ADAM21: variants seen among roughly 807,000 people sequenced by gnomAD.
ADAM21 encodes ADAM metallopeptidase domain 21.
For synonymous variants in ADAM21, 262 were observed against 306.0 expected, an observed-to-expected ratio of 0.86 and a Z score of 1.50; for missense variants, 678 against 874.4, an observed-to-expected ratio of 0.78 and a Z score of 2.83.
Position 70,457,782 on chromosome 14 carries a change from G to A in ADAM21, c.283G>A (p.Asp95Asn), listed in dbSNP as rs766690661. The change falls in exon 2 of 2, where the codon GAC becomes AAC. Residue 95 changes from aspartate (D) to asparagine (N), a missense_variant. By Grantham distance (23) the Asp-to-Asn change is conservative (BLOSUM62 1). Transcript: ENST00000603540. ...RHLPVFTYTD[D>N]RALLEDQLFI... ...CCTCCCAGTGTTCACCTACACAGAT[G>A]ACCGTGCACTCCTGGAGGATCAGCT... 9.9e-6 allele frequency: 16 copies of A among 1,612,856 alleles called. No individual in the cohort carries two copies. The highest frequency in any genetic ancestry group is 8.8e-5 in the South Asian group (8 of 91,030).
chr14:70,456,942 T>C (rs1382039467), intron 1 of ADAM21, among the ~76,000 whole-genome samples: 1 of 152,196 alleles, frequency 6.6e-6, no homozygotes, highest in Non-Finnish European at 1.5e-5. Flanking sequence ...TGACACAGAA[T>C]TGTGATTATT....
chr14:70,453,035 C>CGTGTGT lies in ADAM21; in HGVS notation c.-152+789_-152+794dup, dbSNP rs10676561. ...GAAACCATTTTATCTTTGAATTTGG[C>CGTGTGT]GTGTGTGTGTGTGTGTGTGTGTATC... On this transcript the variant is annotated intron_variant, in intron 1 of 1. Coordinates refer to ENST00000603540, the MANE Select transcript of ADAM21 (RefSeq NM_003813.4). Among the ~76,000 whole-genome samples the CGTGTGT allele has an allele frequency of 4.0e-5, 6 of 148,610 alleles. 1 individual carries two copies. Among genetic ancestry groups the CGTGTGT allele is most frequent in the African/African-American group, 9.9e-5 (4 of 40,444 alleles).
chr14:70,457,772 C>T lies in ADAM21; in HGVS notation c.273C>T (p.Thr91=), dbSNP rs142458441. The T allele has an allele frequency of 1.1e-4, 179 of 1,612,950 alleles. No individual in the cohort carries two copies. The African/African-American group carries it at 1.9e-3, about 17-fold the overall frequency. The change falls in exon 2 of 2, where the codon ACC becomes ACT. Residue 91 remains threonine (T), a synonymous_variant. Transcript: ENST00000603540. ...TTTCTAGACACCTCCCAGTGTTCACCTACACAGATGACCGTGCACTCCTGG... is the reference window on the plus strand; with the variant it reads ...TTTCTAGACACCTCCCAGTGTTCACTTACACAGATGACCGTGCACTCCTGG... ...LLVSRHLPVF[T]YTDDRALLED...
At position 70,459,002 on chromosome 14, in the gene ADAM21, C is replaced by T. The variant is rs753290447; in HGVS notation, c.1503C>T (p.Tyr501=). The T allele has an allele frequency of 6.2e-7, 1 of 1,614,012 alleles. No individual in the cohort carries two copies. Among genetic ancestry groups the T allele is most frequent in the African/African-American group, 1.3e-5 (1 of 74,984 alleles). ...GGATCCCCTGTAGTGACAGTGCCTA[C>T]TGCTATCAAAAGAGGTGTAATAACC... ...QDGIPCSDSA[Y]CYQKRCNNHD... Residue 501 remains tyrosine (Y), a synonymous_variant, in exon 2 of 2, where the codon TAC becomes TAT. Transcript: ENST00000603540.
chr14:70,459,672 A>C lies in ADAM21; in HGVS notation c.*4A>C. The C allele has an allele frequency of 1.2e-6, 2 of 1,612,830 alleles. No homozygotes were observed. The highest frequency in any genetic ancestry group is 2.7e-5 in the African/African-American group (2 of 74,894). ...TAAGGCTCATTCATCAGGTTAAGAAAATGTCTCTAACTTAATATTCCATGC... is the reference window on the plus strand; with the variant it reads ...TAAGGCTCATTCATCAGGTTAAGAACATGTCTCTAACTTAATATTCCATGC... On this transcript the variant is annotated 3_prime_UTR_variant, in exon 2 of 2. Transcript: ENST00000603540.
Position 70,459,569 on chromosome 14 carries a change from T to C in ADAM21, c.2070T>C (p.Pro690=), listed in dbSNP as rs1192187717. Reference sequence around the variant, plus strand: ...TTTTTTTGCCGCTGATTGTGATTCCTTCTTTGTCTGTTTTGACTTTCCTGT... The same window carrying C: ...TTTTTTTGCCGCTGATTGTGATTCCCTCTTTGTCTGTTTTGACTTTCCTGT... ...RGVFLPLIVI[P]SLSVLTFLFT... is the part of the protein sequence containing the mutation. The change falls in exon 2 of 2, where the codon CCT becomes CCC. Residue 690 remains proline (P), a synonymous_variant. Transcript: ENST00000603540. The C allele has an allele frequency of 4.3e-6, 7 of 1,614,206 alleles. No homozygotes were observed. Among genetic ancestry groups the C allele is most frequent in the Non-Finnish European group, 5.9e-6 (7 of 1,180,030 alleles).
Position 70,459,531 on chromosome 14 carries a change from G to A in ADAM21, c.2032G>A (p.Ala678Thr). The stretch of plus-strand genomic sequence containing the variant: ...CAGTATTGACAGTGGCCCAGCATCT[G>A]CAAAGAGAGGAGTTTTTTTGCCGCT... Reference protein sequence around the residue: ...GGSIDSGPASAKRGVFLPLIV... With the variant: ...GGSIDSGPASTKRGVFLPLIV... The change falls in exon 2 of 2, where the codon GCA becomes ACA. Residue 678 changes from alanine to threonine, a missense_variant. Transcript: ENST00000603540. 6.2e-7 allele frequency: 1 copy of A among 1,614,186 alleles called. No homozygotes were observed. Among genetic ancestry groups the A allele is most frequent in the Non-Finnish European group, 8.5e-7 (1 of 1,180,022 alleles).
rs1163749332 is a variant in ADAM21, at chr14:70,458,136, G to C, written c.637G>C (p.Val213Leu). The C allele has an allele frequency of 1.9e-6, 3 of 1,613,674 alleles. No homozygotes were observed. In the African/African-American group the frequency reaches 4.0e-5, roughly 22 times the overall value. Residue 213 changes from valine (V) to leucine (L), a missense_variant, in exon 2 of 2, where the codon GTT becomes CTT. Val to Leu is a conservative substitution (Grantham distance 32, BLOSUM62 1). Transcript: ENST00000603540. Reference sequence around the variant, plus strand: ...GACTCATGCATGGTTTCTGGAGCTAGTTGTTGTGGTGAACCATGATTTCTT... The same window carrying C: ...GACTCATGCATGGTTTCTGGAGCTACTTGTTGTGGTGAACCATGATTTCTT... Reference protein sequence around the residue: ...WWTHAWFLELVVVVNHDFFIY... With the variant: ...WWTHAWFLELLVVVNHDFFIY...
In ADAM21 at chr14:70,457,814, C is replaced by T. The variant is rs1007876905; in HGVS notation, c.315C>T (p.Ile105=). 11 of 1,613,346 alleles carry T rather than the reference C, an allele frequency of 6.8e-6. No homozygotes were observed. Among genetic ancestry groups the T allele is most frequent in the South Asian group, 1.1e-5 (1 of 91,042 alleles). ...DRALLEDQLF[I]PDDCYYHGYV... is the part of the protein sequence containing the mutation. The stretch of plus-strand genomic sequence containing the variant: ...CACTCCTGGAGGATCAGCTCTTCAT[C>T]CCAGATGACTGTTACTATCATGGTT... The change falls in exon 2 of 2, where the codon ATC becomes ATT. Residue 105 remains isoleucine (I), a synonymous_variant. Transcript: ENST00000603540.
In ADAM21 at chr14:70,458,044, G is replaced by A. The variant is rs1280217034; in HGVS notation, c.545G>A (p.Arg182His). 10 of 1,613,912 alleles carry A rather than the reference G, an allele frequency of 6.2e-6. No individual in the cohort carries two copies. The highest frequency in any genetic ancestry group is 1.1e-5 in the South Asian group (1 of 91,076). The stretch of plus-strand genomic sequence containing the variant: ...GGCTTAACAGAGAAGGAAGTAGCAC[G>A]CCAACAGTTGGAATTTGAAGAGGCT... ...RCGLTEKEVA[R>H]QQLEFEEAEN... Residue 182 changes from arginine (R) to histidine (H), a missense_variant, in exon 2 of 2, where the codon CGC (arginine) becomes CAC (histidine). Physicochemically the swap from Arg to His is conservative, Grantham distance 29. Coordinates refer to ENST00000603540, the MANE Select transcript of ADAM21 (RefSeq NM_003813.4).
Position 70,458,140 on chromosome 14 carries a change from T to C in ADAM21, c.641T>C (p.Val214Ala), listed in dbSNP as rs768850536. 10 of 1,613,712 alleles carry C rather than the reference T, an allele frequency of 6.2e-6. No individual in the cohort carries two copies. The highest frequency in any genetic ancestry group is 8.5e-6 in the Non-Finnish European group (10 of 1,179,818). ...CATGCATGGTTTCTGGAGCTAGTTG[T>C]TGTGGTGAACCATGATTTCTTCATT... ...WTHAWFLELVVVVNHDFFIYS... is the reference protein window; with the variant it reads ...WTHAWFLELVAVVNHDFFIYS... The change falls in exon 2 of 2, where the codon GTT becomes GCT. Residue 214 changes from valine to alanine, a missense_variant. By Grantham distance (64) the Val-to-Ala change is moderately conservative. Transcript: ENST00000603540.
chr14:70,459,337 G>A lies in ADAM21; in HGVS notation c.1838G>A (p.Cys613Tyr), dbSNP rs1882487401. The A allele has an allele frequency of 7.4e-6, 12 of 1,614,116 alleles. No homozygotes were observed. Among genetic ancestry groups the A allele is most frequent in the African/African-American group, 2.7e-5 (2 of 74,930 alleles). ...DIGEVKDGTVCGPGKICIHKK... is the reference protein window; with the variant it reads ...DIGEVKDGTVYGPGKICIHKK... ...GGTGAAGTGAAAGATGGTACTGTGTGTGGCCCAGGAAAGATCTGCATCCAT... is the reference window on the plus strand; with the variant it reads ...GGTGAAGTGAAAGATGGTACTGTGTATGGCCCAGGAAAGATCTGCATCCAT... The change falls in exon 2 of 2, where the codon TGT becomes TAT. Residue 613 changes from cysteine to tyrosine, a missense_variant. Physicochemically the swap from Cys to Tyr is radical, Grantham distance 194. Coordinates refer to ENST00000603540, the MANE Select transcript of ADAM21 (RefSeq NM_003813.4).
chr14:70,453,033 G>GGT (rs1161989252), intron 1 of ADAM21, among the ~76,000 whole-genome samples: 4 of 97,762 alleles, frequency 4.1e-5, no homozygotes, highest in African/African-American at 1.0e-4. Flanking sequence ...CTTTGAATTT[G>GGT]GCGTGTGTGT....
chr14:70,458,389 T>C lies in ADAM21; in HGVS notation c.890T>C (p.Met297Thr), dbSNP rs766109818. 23 of 1,614,066 alleles carry C rather than the reference T, an allele frequency of 1.4e-5. No individual in the cohort carries two copies. The highest frequency in any genetic ancestry group is 4.4e-5 in the South Asian group (4 of 91,084). Residue 297 changes from methionine to threonine, a missense_variant, in exon 2 of 2, where the codon ATG (methionine) becomes ACG (threonine). Physicochemically the swap from Met to Thr is moderately conservative, Grantham distance 81. Coordinates refer to ENST00000603540, the MANE Select transcript of ADAM21 (RefSeq NM_003813.4). ...CAGCTACAGCATGATGCTGCACATATGTTCATAAAAAATTCACTTATAAGT... is the reference window on the plus strand; with the variant it reads ...CAGCTACAGCATGATGCTGCACATACGTTCATAAAAAATTCACTTATAAGT... ...LSQLQHDAAH[M>T]FIKNSLISIL... is the part of the protein sequence containing the mutation.
chr14:70,457,075 C>A (rs1882423428), intron 1 of ADAM21, among the ~76,000 whole-genome samples: 1 of 152,172 alleles, frequency 6.6e-6, no homozygotes, highest in Non-Finnish European at 1.5e-5. Flanking sequence ...TCTTAAGTTT[C>A]TTTACTTTTG....
At chr14:70,455,751 T>G (rs1444737818) in intron 1 of ADAM21, among the ~76,000 whole-genome samples, 2 of 152,182 alleles carry the variant, frequency 1.3e-5, no homozygotes, top group Non-Finnish European at 2.9e-5. Context: ...GTATTATTAA[T>G]AGTTTAGAAA....
intron 1 of ADAM21, among the ~76,000 whole-genome samples, chr14:70,453,246 A>ACT (rs1889063424): frequency 6.6e-6 from 1 of 152,144 alleles, no homozygotes; most frequent in South Asian, 2.1e-4. Context: ...TACTTCCATG[A>ACT]CTCTAATGGG....
In ADAM21 at chr14:70,454,940, G is replaced by C. The variant is rs201521040; in HGVS notation, c.-151-2409G>C. On this transcript the variant is annotated intron_variant, in intron 1 of 1. Transcript: ENST00000603540. ...ATAAATGATTTGGTGTTCATGTTGT[G>C]GGCTGTGGAGAACAGGAACTCTGGT... Among the ~76,000 whole-genome samples, 31 of 152,306 alleles carry C rather than the reference G, an allele frequency of 2.0e-4. No individual in the cohort carries two copies. The East Asian group carries it at 5.4e-3, about 27-fold the overall frequency.
intron 1 of ADAM21, among the ~76,000 whole-genome samples, chr14:70,456,955 T>C (rs529526277): frequency 6.6e-6 from 1 of 152,348 alleles, no homozygotes; most frequent in Non-Finnish European, 1.5e-5. Context: ...TGATTATTTT[T>C]GATGTCTCCA....
Sources: allele counts gnomAD v4.1 joint callset (sites outside exome capture counted in the v4.1 genomes callset), GRCh38; gene constraint gnomAD v4.1.1; transcripts MANE v1.5; gene names NCBI Gene and HGNC (gene_info 2026-07-23, HGNC 2026-07-21).